RNF187: variants seen among roughly 807,000 people sequenced by gnomAD.
RNF187 encodes the protein E3 ubiquitin-protein ligase RNF187.
Under a neutral mutation model 22.2 loss-of-function variants are expected in RNF187, and 18 were observed. The observed-to-expected ratio is 0.81, with a 90% CI of 0.56 to 1.20. RNF187 has a LOEUF of 1.20. RNF187 is among the 50% of genes most tolerant of loss of function. The pLI is 0.00. For missense variants in RNF187, 329 were observed against 317.6 expected, an observed-to-expected ratio of 1.04 and a Z score of -0.27; for synonymous variants, 164 against 140.9, an observed-to-expected ratio of 1.16 and a Z score of -1.16.
chr1:228,495,317 G>C lies in RNF187; in HGVS notation c.*1432G>C. On this transcript the variant is annotated 3_prime_UTR_variant, in exon 4 of 4. Transcript: ENST00000305943. ...ATCAGACATTGGCTGCAAACGGTCA[G>C]AGAGGAACCCAGTCAGGTACCATTG... 3.3e-6 allele frequency: 1 copy of C among 304,148 alleles called. No homozygotes were observed. The highest frequency in any genetic ancestry group is 4.8e-6 in the Non-Finnish European group (1 of 207,192). 18.8% of individuals were successfully genotyped at this position (304,148 alleles called of 1,614,324 possible).
In RNF187 at chr1:228,488,988, G is replaced by C; in HGVS notation, c.419G>C (p.Arg140Thr). The change falls in exon 2 of 4, where the codon AGA (arginine) becomes ACA (threonine). Residue 140 changes from arginine (R) to threonine (T), a missense_variant. Coordinates refer to ENST00000305943, the MANE Select transcript of RNF187 (RefSeq NM_001010858.3). ...AACAAGGGGTCTGTGGAAATCATGA[G>C]AAAGGACTTGAATGACGCCCGGGAC... 2 of 1,551,060 alleles carry C rather than the reference G, an allele frequency of 1.3e-6. No individual in the cohort carries two copies. The highest frequency in any genetic ancestry group is 1.7e-6 in the Non-Finnish European group (2 of 1,146,956).
intron 1 of RNF187, 121 bp downstream of exon 1, chr1:228,487,999 C>T: frequency 1.6e-6 from 1 of 619,360 alleles, no homozygotes; most frequent in Non-Finnish European, 2.1e-6. Flanking sequence ...CCGGATTGTC[C>T]CCGTCCCCGG....
At chr1:228,492,265 G>A in intron 2 of RNF187, among the ~76,000 whole-genome samples, 1 of 151,990 alleles carries the variant, frequency 6.6e-6, no homozygotes, top group South Asian at 2.1e-4. Context: ...GCCCAGGCTA[G>A]TCTCGAACTC....
chr1:228,495,908 C>G lies in RNF187; in HGVS notation c.*2023C>G. On this transcript the variant is annotated 3_prime_UTR_variant, in exon 4 of 4. Transcript: ENST00000305943. ...CCTCTGTGCCTAAGGGGGATTGGTTCCAGGACCCCCTCATGGATACCAAAA... is the reference window on the plus strand; with the variant it reads ...CCTCTGTGCCTAAGGGGGATTGGTTGCAGGACCCCCTCATGGATACCAAAA... The G allele has an allele frequency of 5.6e-6, 2 of 354,694 alleles. No individual in the cohort carries two copies. 22.0% of individuals were successfully genotyped at this position (354,694 alleles called of 1,614,324 possible).
Position 228,493,910 on chromosome 1 carries a change from G to T in RNF187, c.*25G>T. The T allele has an allele frequency of 6.4e-7, 1 of 1,551,754 alleles. No homozygotes were observed. The highest frequency in any genetic ancestry group is 1.4e-5 in the African/African-American group (1 of 73,176). ...ATGGCGCCAACCCGTGGCAGTCCCA[G>T]AGCTGGAGGCAGGAGGATGGATCCT... On this transcript the variant is annotated 3_prime_UTR_variant, in exon 4 of 4. Transcript: ENST00000305943. The surrounding 1 kb of genome is among the most constrained non-coding windows in gnomAD (Gnocchi z 4.7).
intron 2 of RNF187, among the ~76,000 whole-genome samples, chr1:228,489,324 C>T: frequency 0.022 from 3,365 of 150,412 alleles, 103 homozygotes; most frequent in African/African-American, 0.067. Flanking sequence ...TTTTTTTTTT[C>T]CCAAGAGACA....
intron 2 of RNF187, among the ~76,000 whole-genome samples, 187 bp from the exon 3 acceptor site, chr1:228,492,866 G>A: frequency 7.9e-5 from 12 of 152,110 alleles, no homozygotes; most frequent in Non-Finnish European, 1.6e-4. Flanking sequence ...CTCATGATCC[G>A]CCCGCCTTGG....
At chr1:228,492,960 G>T in intron 2 of RNF187, 93 bp from the exon 3 acceptor site, 1 of 1,320,654 alleles carries the variant, frequency 7.6e-7, no homozygotes, top group South Asian at 1.5e-5. Context: ...TTTTGGAGTG[G>T]CATGTTCTTA....
chr1:228,493,775 G>A lies in RNF187; in HGVS notation c.706-108G>A. Reference sequence around the variant, plus strand: ...TGCTCAGGACAGTACCTCATGCGCTGTCTCATGTGCGCTCTCTCTTTCGCT... The same window carrying A: ...TGCTCAGGACAGTACCTCATGCGCTATCTCATGTGCGCTCTCTCTTTCGCT... On this transcript the variant is annotated intron_variant, in intron 3 of 3. Transcript: ENST00000305943. This position sits in a 1 kb window ranked among gnomAD's most constrained non-coding sequence, Gnocchi z 4.7. 8.3e-7 allele frequency: 1 copy of A among 1,209,056 alleles called. No homozygotes were observed. The highest frequency in any genetic ancestry group is 1.2e-6 in the Non-Finnish European group (1 of 836,724). The allele number at this position is 1,209,056 out of a possible 1,614,324, so 74.9% of individuals were successfully genotyped here.
intron 1 of RNF187, 61 bp from the exon 2 acceptor site, chr1:228,488,899 T>TG: frequency 7.4e-7 from 1 of 1,344,464 alleles, no homozygotes; most frequent in East Asian, 2.5e-5. Context: ...CCCTCAGTAC[T>TG]GGGCTGGGTT....
Position 228,493,862 on chromosome 1 carries a change from T to A in RNF187, c.706-21T>A. 3 of 1,551,588 alleles carry A rather than the reference T, an allele frequency of 1.9e-6. No homozygotes were observed. The highest frequency in any genetic ancestry group is 2.6e-6 in the Non-Finnish European group (3 of 1,146,844). ...CTTTCTCTTTTTGTCTCTCTGTCTT[T>A]CCCTCTCCCCTCCCATGCAGTGATG... is the stretch of plus-strand genomic sequence containing the variant. On this transcript the variant is annotated intron_variant, in intron 3 of 3. Coordinates refer to ENST00000305943, the MANE Select transcript of RNF187 (RefSeq NM_001010858.3). This position sits in a 1 kb window ranked among gnomAD's most constrained non-coding sequence, Gnocchi z 4.7.
intron 2 of RNF187, among the ~76,000 whole-genome samples, chr1:228,492,618 CTTTTTTT>C: frequency 1.6e-5 from 1 of 62,110 alleles, no homozygotes; most frequent in Non-Finnish European, 2.7e-5. Flanking sequence ...CCGTGCCTGG[CTTTTTTT>C]TTTTTTTTTT....
In RNF187 at chr1:228,494,756, A is replaced by T; in HGVS notation, c.*871A>T. 72 of 985,198 alleles carry T rather than the reference A, an allele frequency of 7.3e-5. No homozygotes were observed. The highest frequency in any genetic ancestry group is 2.5e-4 in the Admixed American group (4 of 16,258). 61.0% of individuals were successfully genotyped at this position (985,198 alleles called of 1,614,324 possible). A position where few individuals can be genotyped will look rare whatever the true frequency, so the allele number is the denominator to read the frequency against. ...TCCTTGTGTGTAGATAAATTAGTCG[A>T]CAGAAACTCAGCACTGGGGACAGGA... is the stretch of plus-strand genomic sequence containing the variant. On this transcript the variant is annotated 3_prime_UTR_variant, in exon 4 of 4. Transcript: ENST00000305943.
Position 228,495,766 on chromosome 1 carries a change from G to A in RNF187, c.*1881G>A. 3.1e-6 allele frequency: 3 copies of A among 980,532 alleles called. No individual in the cohort carries two copies. Among genetic ancestry groups the A allele is most frequent in the Non-Finnish European group, 3.6e-6 (3 of 825,508 alleles). The allele number at this position is 980,532 out of a possible 1,614,324, so 60.7% of individuals were successfully genotyped here. A position where few individuals can be genotyped will look rare whatever the true frequency, so the allele number is the denominator to read the frequency against. ...AAATTATATATTTATGGGGCACAGT[G>A]TGATGTTTTGATATCTATGTACATT... On this transcript the variant is annotated 3_prime_UTR_variant, in exon 4 of 4. Coordinates refer to ENST00000305943, the MANE Select transcript of RNF187 (RefSeq NM_001010858.3).
In RNF187 at chr1:228,495,109, TGGGACCCTTTCCTTGG is replaced by T; in HGVS notation, c.*1227_*1242del. 1 of 879,758 alleles carries T rather than the reference TGGGACCCTTTCCTTGG, an allele frequency of 1.1e-6. No individual in the cohort carries two copies. Among genetic ancestry groups the T allele is most frequent in the Non-Finnish European group, 1.4e-6 (1 of 733,382 alleles). 54.5% of individuals were successfully genotyped at this position (879,758 alleles called of 1,614,324 possible). A position where few individuals can be genotyped will look rare whatever the true frequency, so the allele number is the denominator to read the frequency against. ...TTGATTGGGACCATTGAGATGGGTG[TGGGACCCTTTCCTTGG>T]GGCCTGGGGGGAGATGGGGCTCCAC... On this transcript the variant is annotated 3_prime_UTR_variant, in exon 4 of 4. Coordinates refer to ENST00000305943, the MANE Select transcript of RNF187 (RefSeq NM_001010858.3).
intron 2 of RNF187, among the ~76,000 whole-genome samples, chr1:228,490,017 G>A: frequency 6.6e-6 from 1 of 152,346 alleles, no homozygotes; most frequent in East Asian, 1.9e-4. Flanking sequence ...AAGCTCTTTA[G>A]TCGTTTAAAC....
In RNF187 at chr1:228,489,059, G is replaced by T; in HGVS notation, c.483+7G>T. The stretch of plus-strand genomic sequence containing the variant: ...AGCAGCTGCAGTGTGGAAGGCAAGT[G>T]GGGGGACCTGGGGCAGCCTGGAATG... On this transcript the variant is annotated splice_region_variant and intron_variant, in intron 2 of 3. Transcript: ENST00000305943. 1 of 1,543,020 alleles carries T rather than the reference G, an allele frequency of 6.5e-7. No individual in the cohort carries two copies. Among genetic ancestry groups the T allele is most frequent in the African/African-American group, 1.4e-5 (1 of 73,138 alleles).
At chr1:228,489,117 G>A in intron 2 of RNF187, 65 bp downstream of exon 2, 1 of 1,381,992 alleles carries the variant, frequency 7.2e-7, no homozygotes, top group Admixed American at 2.0e-5. Flanking sequence ...CTAGACAAAG[G>A]GACCACCAGG....
chr1:228,493,307 G>A lies in RNF187; in HGVS notation c.705+33G>A. The A allele has an allele frequency of 2.5e-5, 38 of 1,532,544 alleles. No homozygotes were observed. In the Admixed American group the frequency reaches 2.6e-4, roughly 10 times the overall value. 94.9% of individuals were successfully genotyped at this position (1,532,544 alleles called of 1,614,324 possible). On this transcript the variant is annotated intron_variant, in intron 3 of 3. Transcript: ENST00000305943. The surrounding 1 kb of genome is among the most constrained non-coding windows in gnomAD (Gnocchi z 4.7). The stretch of plus-strand genomic sequence containing the variant: ...AGCCCCGCTGGGTCTGCCCACCATC[G>A]GGCCAGGGTGGACGCAGGCAGCAGC...
Sources: allele counts gnomAD v4.1 joint callset (sites outside exome capture counted in the v4.1 genomes callset), GRCh38; gene constraint gnomAD v4.1.1; non-coding constraint Gnocchi (gnomAD v3.1); transcripts MANE v1.5; gene names NCBI Gene and HGNC (gene_info 2026-07-23, HGNC 2026-07-21).